The following SH3PXD2A variants were observed in gnomAD, a reference collection of about 807,000 sequenced individuals.
SH3PXD2A encodes the protein SH3 and PX domain-containing protein 2A.
A neutral mutation model predicts 115.2 loss-of-function variants in SH3PXD2A; 32 were observed. The ratio of observed to expected loss-of-function variants is 0.28; its 90% CI spans 0.21 to 0.37. The LOEUF is 0.37. Ranked by LOEUF, SH3PXD2A falls within the 10% of genes least tolerant of loss-of-function variation. SH3PXD2A has a pLI of 1.00. For missense variants in SH3PXD2A, 1,328 were observed against 1,498.7 expected (o/e 0.89, Z 1.88); for synonymous variants, 610 against 629.1 (o/e 0.97, Z 0.45).
At chr10:103,670,488 C>T (rs1378964270) in intron 6 of SH3PXD2A, among the ~76,000 whole-genome samples, 1 of 152,220 alleles carries the variant, frequency 6.6e-6, no homozygotes, top group Non-Finnish European at 1.5e-5. Context: ...AAGCCTGCCT[C>T]CCTGGGTTCA....
At chr10:103,829,315 C>T (rs1420980267) in intron 1 of SH3PXD2A, among the ~76,000 whole-genome samples, 2 of 152,164 alleles carry the variant, frequency 1.3e-5, no homozygotes, top group African/African-American at 4.8e-5. Flanking sequence ...CCGATCTTCT[C>T]TTAAAGACTG....
At chr10:103,852,659 C>A (rs1014242793) in intron 1 of SH3PXD2A, among the ~76,000 whole-genome samples, 2 of 152,160 alleles carry the variant, frequency 1.3e-5, no homozygotes, top group South Asian at 2.1e-4. Context: ...TGGTATTCAC[C>A]GTGCAAGGGC....
intron 1 of SH3PXD2A, among the ~76,000 whole-genome samples, chr10:103,829,839 G>A (rs959033324): frequency 5.3e-5 from 8 of 152,228 alleles, no homozygotes; most frequent in African/African-American, 1.2e-4. Flanking sequence ...GCCAAAAGTC[G>A]GGTTGCATTA....
intron 9 of SH3PXD2A, among the ~76,000 whole-genome samples, chr10:103,626,833 A>T (rs2036704269): frequency 1.3e-5 from 2 of 152,086 alleles, no homozygotes; most frequent in South Asian, 4.1e-4. Context: ...CATGAAGCCA[A>T]AGCTAATCAG....
intron 8 of SH3PXD2A, among the ~76,000 whole-genome samples, chr10:103,629,402 T>C (rs1391001522): frequency 3.3e-5 from 5 of 152,208 alleles, no homozygotes; most frequent in African/African-American, 2.4e-5. Flanking sequence ...GCACCAGATA[T>C]CTGTACTCAC....
At chr10:103,728,155 C>T (rs1208604296) in intron 4 of SH3PXD2A, among the ~76,000 whole-genome samples, 1 of 152,264 alleles carries the variant, frequency 6.6e-6, no homozygotes, top group East Asian at 1.9e-4. Context: ...CTCAGGGCTG[C>T]AGGCAGATGC....
chr10:103,614,224 C>T (rs2036474132), intron 11 of SH3PXD2A, among the ~76,000 whole-genome samples: 1 of 152,006 alleles, frequency 6.6e-6, no homozygotes, highest in African/African-American at 2.4e-5. Flanking sequence ...CACTGCACTC[C>T]ACTCTGGGAG....
In SH3PXD2A at chr10:103,599,780, T is replaced by C. The variant is rs1055901985; in HGVS notation, c.*2036A>G. 2 of 152,650 alleles carry C rather than the reference T, an allele frequency of 1.3e-5. No homozygotes were observed. Among genetic ancestry groups the C allele is most frequent in the Non-Finnish European group, 2.9e-5 (2 of 68,046 alleles). 9.5% of individuals were successfully genotyped at this position (152,650 alleles called of 1,614,324 possible). A position where few individuals can be genotyped will look rare whatever the true frequency, so the allele number is the denominator to read the frequency against. On this transcript the variant is annotated 3_prime_UTR_variant, in exon 15 of 15. Transcript: ENST00000369774. ...ACCATTAGTACTGCAATCTAGCAGATTAACTCAACATCCTGCTCTATTTAA... is the reference window on the plus strand; with the variant it reads ...ACCATTAGTACTGCAATCTAGCAGACTAACTCAACATCCTGCTCTATTTAA...
rs2037286249 is a variant in SH3PXD2A at position 103,660,884 on chromosome 10, T to G, written c.604+99A>C. The stretch of plus-strand genomic sequence containing the variant: ...CTCTCTCTGCCAGATGGAAATAACG[T>G]ATAGCTGCAGCGGTGGGGGAGGAGG... On this transcript the variant is annotated intron_variant, in intron 8 of 14. Coordinates refer to ENST00000369774, the MANE Select transcript of SH3PXD2A (RefSeq NM_001394015.1). 8 of 1,304,592 alleles carry G rather than the reference T, an allele frequency of 6.1e-6. No homozygotes were observed. In the Admixed American group the frequency reaches 1.0e-4, roughly 17 times the overall value. The allele number at this position is 1,304,592 out of a possible 1,614,324, so 80.8% of individuals were successfully genotyped here.
intron 1 of SH3PXD2A, among the ~76,000 whole-genome samples, chr10:103,806,215 C>G (rs1218971778): frequency 6.6e-6 from 1 of 152,242 alleles, no homozygotes; most frequent in East Asian, 1.9e-4. Context: ...AGCCTACCCC[C>G]CTGGACAGAG....
intron 5 of SH3PXD2A, among the ~76,000 whole-genome samples, chr10:103,703,981 C>A (rs1276422134): frequency 6.6e-6 from 1 of 152,158 alleles, no homozygotes; most frequent in African/African-American, 2.4e-5. Flanking sequence ...CTGAAATGAT[C>A]CACCTAATTG....
chr10:103,803,542 G>A (rs763543266), intron 1 of SH3PXD2A, among the ~76,000 whole-genome samples: 3 of 152,192 alleles, frequency 2.0e-5, no homozygotes, highest in Non-Finnish European at 4.4e-5. Context: ...AGAAGAAGGT[G>A]AGGCTCAGAG....
At chr10:103,623,265 AG>A (rs138518910) in intron 9 of SH3PXD2A, among the ~76,000 whole-genome samples, 217 of 143,028 alleles carry the variant, frequency 1.5e-3, no homozygotes, top group South Asian at 3.7e-3. Flanking sequence ...ATCTGATGAC[AG>A]GGGCCCCCTC....
rs189099597 is a variant in SH3PXD2A at position 103,617,022 on chromosome 10, T to C, written c.920+175A>G. Reference sequence around the variant, plus strand: ...GCGTCCCGGGAGAAAACTTGCAAGATGAGCATTCTCTGGTTGAGCTATTCA... The same window carrying C: ...GCGTCCCGGGAGAAAACTTGCAAGACGAGCATTCTCTGGTTGAGCTATTCA... On this transcript the variant is annotated intron_variant, in intron 11 of 14. Coordinates refer to ENST00000369774, the MANE Select transcript of SH3PXD2A (RefSeq NM_001394015.1). 2.2e-4 allele frequency among the ~76,000 whole-genome samples: 34 copies of C among 152,392 alleles called. No homozygotes were observed. In the East Asian group the frequency reaches 6.6e-3, roughly 29 times the overall value.
chr10:103,835,584 C>T (rs1435814519), intron 1 of SH3PXD2A, among the ~76,000 whole-genome samples: 1 of 152,168 alleles, frequency 6.6e-6, no homozygotes, highest in African/African-American at 2.4e-5. Flanking sequence ...ACATAAAGTT[C>T]TTTACCCAGC....
chr10:103,811,916 C>A (rs1378782074), intron 1 of SH3PXD2A, among the ~76,000 whole-genome samples: 1 of 152,206 alleles, frequency 6.6e-6, no homozygotes, highest in Non-Finnish European at 1.5e-5. Context: ...AACGCAAGAA[C>A]AACCACAGTG....
chr10:103,644,180 A>G (rs1286095446), intron 8 of SH3PXD2A, among the ~76,000 whole-genome samples: 1 of 151,692 alleles, frequency 6.6e-6, no homozygotes, highest in African/African-American at 2.4e-5. Context: ...CCTGGCCACA[A>G]GCAAGCTCTG....
At chr10:103,838,032 T>C (rs924841332) in intron 1 of SH3PXD2A, among the ~76,000 whole-genome samples, 2 of 152,058 alleles carry the variant, frequency 1.3e-5, no homozygotes, top group Non-Finnish European at 1.5e-5. Flanking sequence ...AAGGGAGGCA[T>C]GGGCATGGTT....
At chr10:103,696,308 G>A (rs1263515870) in intron 5 of SH3PXD2A, among the ~76,000 whole-genome samples, 1 of 152,204 alleles carries the variant, frequency 6.6e-6, no homozygotes, top group Non-Finnish European at 1.5e-5. Context: ...CTGCTGAATA[G>A]GGTGATAAGC....
Sources: gnomAD v4.1 joint callset for allele counts (sites outside exome capture counted in the v4.1 genomes callset) on GRCh38, gnomAD v4.1.1 for gene constraint, MANE v1.5 for transcripts, NCBI Gene and HGNC (gene_info 2026-07-23, HGNC 2026-07-21) for gene names.